Variants in KBTBD3 observed in about 807,000 individuals in gnomAD.
KBTBD3 encodes kelch repeat and BTB domain-containing protein 3.
In KBTBD3, 38 loss-of-function variants were observed where a neutral mutation model predicts 49.6. That is an observed-to-expected ratio of 0.77 (90% CI 0.59 to 1.00). The LOEUF (loss-of-function observed/expected upper bound fraction) is 1.00, where lower values mean the gene tolerates loss of function less well. KBTBD3 is among the 50% of genes least tolerant of loss of function. KBTBD3 has a pLI of 0.00. For missense variants in KBTBD3, 661 were observed against 712.0 expected (o/e 0.93, Z 0.81); for synonymous variants, 214 against 250.4 (o/e 0.85, Z 1.37).
At chr11:106,072,854 A>G (rs1434835221) in intron 2 of KBTBD3, among the ~76,000 whole-genome samples, 1 of 152,186 alleles carries the variant, frequency 6.6e-6, no homozygotes, top group African/African-American at 2.4e-5. Context: ...GGCACTAGAG[A>G]TATAAAGAGA....
At chr11:106,068,038 C>A (rs1860842213) in intron 2 of KBTBD3, among the ~76,000 whole-genome samples, 1 of 151,344 alleles carries the variant, frequency 6.6e-6, no homozygotes, top group African/African-American at 2.4e-5. Flanking sequence ...TGCCCATCCA[C>A]CACCGAGAAG....
Position 106,052,737 on chromosome 11 carries a change from A to G in KBTBD3, c.*113T>C. ...TTATTCATATATGGTGTACATACATAATAACTAAAAGCAGGAATGTTTTAT... is the reference window on the plus strand; with the variant it reads ...TTATTCATATATGGTGTACATACATGATAACTAAAAGCAGGAATGTTTTAT... On this transcript the variant is annotated 3_prime_UTR_variant, in exon 4 of 4. Transcript: ENST00000531837. 1 of 839,302 alleles carries G rather than the reference A, an allele frequency of 1.2e-6. No individual in the cohort carries two copies. The highest frequency in any genetic ancestry group is 1.9e-6 in the Non-Finnish European group (1 of 538,832). The allele number at this position is 839,302 out of a possible 1,614,324, so 52.0% of individuals were successfully genotyped here.
In KBTBD3 at chr11:106,053,800, T is replaced by C. The variant is rs1212274447; in HGVS notation, c.889A>G (p.Ile297Val). ...DARPSTTEKY[I>V]FIHKTEENGE... is the part of the protein sequence containing the mutation. ...TTTTCCTCAGTTTTGTGAATGAATA[T>C]GTATTTCTCAGTTGTGGATGGTCGA... Residue 297 changes from isoleucine (I) to valine (V), a missense_variant, in exon 4 of 4, where the codon ATA (isoleucine) becomes GTA (valine). Transcript: ENST00000531837. 1.9e-6 allele frequency: 3 copies of C among 1,613,842 alleles called. No individual in the cohort carries two copies. Among genetic ancestry groups the C allele is most frequent in the Admixed American group, 3.3e-5 (2 of 59,974 alleles).
At chr11:106,061,173 T>C (rs1389576216) in intron 2 of KBTBD3, among the ~76,000 whole-genome samples, 6 of 152,166 alleles carry the variant, frequency 3.9e-5, no homozygotes, top group African/African-American at 9.7e-5. Flanking sequence ...GCTTCTTGCA[T>C]GAAGCTTGGT....
At chr11:106,061,736 A>G (rs1860699064) in intron 2 of KBTBD3, among the ~76,000 whole-genome samples, 1 of 151,998 alleles carries the variant, frequency 6.6e-6, no homozygotes, top group Non-Finnish European at 1.5e-5. Context: ...CTCAGCCTCC[A>G]TAATCACATG....
Position 106,053,724 on chromosome 11 carries a change from T to G in KBTBD3, c.965A>C (p.Lys322Thr), listed in dbSNP as rs1236491049. Residue 322 changes from lysine to threonine, a missense_variant, in exon 4 of 4, where the codon AAA becomes ACA. Physicochemically the swap from Lys to Thr is moderately conservative, Grantham distance 78 (BLOSUM62 -1). Transcript: ENST00000531837. ...AATCAGGTGTGATTGCGGCAGTATT[T>G]TCCATGAATCAGATTTAATGTTATA... Reference protein sequence around the residue: ...FCYNIKSDSWKILPQSHLIDL... With the variant: ...FCYNIKSDSWTILPQSHLIDL... 6.2e-7 allele frequency: 1 copy of G among 1,613,710 alleles called. No individual in the cohort carries two copies. Among genetic ancestry groups the G allele is most frequent in the Non-Finnish European group, 8.5e-7 (1 of 1,179,908 alleles).
intron 2 of KBTBD3, among the ~76,000 whole-genome samples, chr11:106,074,052 A>G (rs981955769): frequency 3.9e-5 from 6 of 152,166 alleles, no homozygotes; most frequent in Non-Finnish European, 8.8e-5. Flanking sequence ...TACTAGAAAT[A>G]CAGCGAAAAA....
At chr11:106,073,866 A>T (rs1860971259) in intron 2 of KBTBD3, among the ~76,000 whole-genome samples, 1 of 152,210 alleles carries the variant, frequency 6.6e-6, no homozygotes, top group South Asian at 2.1e-4. Context: ...GGAACGACTG[A>T]TTACTTTAAA....
intron 3 of KBTBD3, 123 bp downstream of exon 3, chr11:106,058,742 G>GA: frequency 5.5e-6 from 3 of 544,488 alleles, no homozygotes; most frequent in South Asian, 4.9e-5. Context: ...TTTTGTTTTT[G>GA]TTTTTTTTTT....
rs1429983532 is a variant in KBTBD3, at chr11:106,053,505, A to C, written c.1184T>G (p.Met395Arg). The C allele has an allele frequency of 2.5e-6, 4 of 1,613,798 alleles. No homozygotes were observed. Among genetic ancestry groups the C allele is most frequent in the South Asian group, 1.1e-5 (1 of 91,084 alleles). ...LVSTMKTPRT[M>R]HTSVMALDRL... ...ATCGAGAGCCATAACTGATGTATGC[A>C]TGGTTCTTGGTGTTTTCATAGTTGA... The change falls in exon 4 of 4, where the codon ATG (methionine) becomes AGG (arginine). Residue 395 changes from methionine (M) to arginine (R), a missense_variant. Met to Arg is a moderately conservative substitution (Grantham distance 91, BLOSUM62 -1). Coordinates refer to ENST00000531837, the MANE Select transcript of KBTBD3 (RefSeq NM_198439.3).
At chr11:106,059,156 T>C in intron 2 of KBTBD3, 47 bp from the exon 3 acceptor site, 1 of 1,098,568 alleles carries the variant, frequency 9.1e-7, no homozygotes, top group South Asian at 1.6e-5. Flanking sequence ...CTAATGCAAG[T>C]TTCAGACTCC....
At chr11:106,057,805 C>T in intron 3 of KBTBD3, 1 of 356,922 alleles carries the variant, frequency 2.8e-6, no homozygotes. Flanking sequence ...ATTTTTAAAT[C>T]GGTTAGACCC....
rs745736380 is a variant in KBTBD3 at position 106,052,982 on chromosome 11, C to A, written c.1707G>T (p.Val569=). ...DYAPDEITDE[V]QVYHSNRSEW... ...CAGACCTGTTGCTGTGGTAGACCTGCACTTCATCTGTGATTTCATCTGGTG... is the reference window on the plus strand; with the variant it reads ...CAGACCTGTTGCTGTGGTAGACCTGAACTTCATCTGTGATTTCATCTGGTG... Residue 569 remains valine (V), a synonymous_variant, in exon 4 of 4, where the codon GTG becomes GTT. Transcript: ENST00000531837. 1 of 1,613,686 alleles carries A rather than the reference C, an allele frequency of 6.2e-7. No individual in the cohort carries two copies. Among genetic ancestry groups the A allele is most frequent in the Non-Finnish European group, 8.5e-7 (1 of 1,179,780 alleles).
chr11:106,052,231 C>G lies in KBTBD3; in HGVS notation c.*619G>C, dbSNP rs1158234353. On this transcript the variant is annotated 3_prime_UTR_variant, in exon 4 of 4. Transcript: ENST00000531837. ...AAACCAACTGACATTGAAAACTAAT[C>G]AGCAATTTTTAAAGCATTTAAGTAA... The G allele has an allele frequency of 6.6e-6, 1 of 151,378 alleles. No individual in the cohort carries two copies. The highest frequency in any genetic ancestry group is 1.5e-5 in the Non-Finnish European group (1 of 67,708). 9.4% of individuals were successfully genotyped at this position (151,378 alleles called of 1,614,324 possible). A position where few individuals can be genotyped will look rare whatever the true frequency, so the allele number is the denominator to read the frequency against.
chr11:106,077,109 A>T (rs576416412), intron 1 of KBTBD3, among the ~76,000 whole-genome samples: 2 of 152,198 alleles, frequency 1.3e-5, no homozygotes, highest in South Asian at 4.1e-4. Context: ...GCAGGGAAAG[A>T]AGGAACTCAG....
At chr11:106,075,636 C>T (rs1196475242) in intron 2 of KBTBD3, 1 of 152,132 alleles carries the variant, frequency 6.6e-6, no homozygotes, top group Non-Finnish European at 1.5e-5. Context: ...TTTGTAAAAC[C>T]ACACAGGGAA....
rs1306330659 is a variant in KBTBD3 at position 106,053,527 on chromosome 11, T to G, written c.1162A>C (p.Thr388Pro). 6.2e-7 allele frequency: 1 copy of G among 1,613,656 alleles called. No homozygotes were observed. Among genetic ancestry groups the G allele is most frequent in the Non-Finnish European group, 8.5e-7 (1 of 1,179,850 alleles). The stretch of plus-strand genomic sequence containing the variant: ...TGCATGGTTCTTGGTGTTTTCATAG[T>G]TGATACCAAGAAGAAATCATTTTTC... ...PVKNDFFLVS[T>P]MKTPRTMHTS... The change falls in exon 4 of 4, where the codon ACT becomes CCT. Residue 388 changes from threonine to proline, a missense_variant. By Grantham distance (38) the Thr-to-Pro change is conservative. Transcript: ENST00000531837.
At position 106,058,187 on chromosome 11, in the gene KBTBD3, A is replaced by T. The variant is rs575027910; in HGVS notation, c.233+678T>A. 17 of 325,482 alleles carry T rather than the reference A, an allele frequency of 5.2e-5. No individual in the cohort carries two copies. The East Asian group carries it at 7.6e-4, about 15-fold the overall frequency. 20.2% of individuals were successfully genotyped at this position (325,482 alleles called of 1,614,324 possible). ...ATCACGAGGTCAGGAGATTGAGACC[A>T]TCCTGGCTAACACGGTGAAACCCCG... On this transcript the variant is annotated intron_variant, in intron 3 of 3. Coordinates refer to ENST00000531837, the MANE Select transcript of KBTBD3 (RefSeq NM_198439.3).
intron 2 of KBTBD3, among the ~76,000 whole-genome samples, chr11:106,073,751 T>A (rs560325302): frequency 1.1e-4 from 16 of 152,258 alleles, no homozygotes; most frequent in African/African-American, 3.9e-4. Context: ...GCTGGAGTAG[T>A]TAATGAAAGG....
Sources: allele counts gnomAD v4.1 joint callset (sites outside exome capture counted in the v4.1 genomes callset), GRCh38; gene constraint gnomAD v4.1.1; transcripts MANE v1.5; gene names NCBI Gene and HGNC (gene_info 2026-07-23, HGNC 2026-07-21).